ALK: variants seen among roughly 807,000 people sequenced by gnomAD.
ALK encodes ALK tyrosine kinase receptor.
In ALK, 74 loss-of-function variants were observed where a neutral mutation model predicts 163.1. The ratio of observed to expected loss-of-function variants is 0.45; its 90% CI spans 0.38 to 0.55. The LOEUF (loss-of-function observed/expected upper bound fraction) is 0.55. Ranked by LOEUF, ALK falls within the 20% of genes least tolerant of loss-of-function variation. The probability of loss-of-function intolerance (pLI) is 0.00; values close to 1 mark genes in which losing one functional copy is unlikely to be tolerated. For missense variants in ALK, 2,063 were observed against 2,105.3 expected (o/e 0.98, Z 0.39); for synonymous variants, 960 against 843.2 (o/e 1.14, Z -2.40).
At chr2:29,492,995 G>A (rs1189718542) in intron 4 of ALK, among the ~76,000 whole-genome samples, 1 of 152,160 alleles carries the variant, frequency 6.6e-6, no homozygotes, top group African/African-American at 2.4e-5. Flanking sequence ...TGATAGGCTT[G>A]GCACTTGGCA....
intron 4 of ALK, among the ~76,000 whole-genome samples, chr2:29,385,269 G>A (rs561914475): frequency 1.7e-4 from 26 of 151,840 alleles, no homozygotes; most frequent in Admixed American, 4.6e-4. Context: ...AAAATAAAAA[G>A]CATTGAAAAT....
chr2:29,469,310 G>T (rs1402631156), intron 4 of ALK, among the ~76,000 whole-genome samples: 1 of 152,134 alleles, frequency 6.6e-6, no homozygotes, highest in African/African-American at 2.4e-5. Context: ...GTGCCAAATT[G>T]CCTTCTCAAT....
At chr2:29,685,052 A>C (rs770102601) in intron 3 of ALK, among the ~76,000 whole-genome samples, 11 of 152,206 alleles carry the variant, frequency 7.2e-5, no homozygotes, top group Non-Finnish European at 4.4e-5. Flanking sequence ...TACAACTTAG[A>C]AATACCTATC....
At chr2:29,301,539 C>T (rs1666370198) in intron 8 of ALK, among the ~76,000 whole-genome samples, 1 of 152,172 alleles carries the variant, frequency 6.6e-6, no homozygotes, top group Non-Finnish European at 1.5e-5. Flanking sequence ...ATCAACTTTC[C>T]ATCCTAGGAA....
At chr2:29,896,466 C>T (rs1411538333) in intron 1 of ALK, among the ~76,000 whole-genome samples, 2 of 152,092 alleles carry the variant, frequency 1.3e-5, no homozygotes, top group Non-Finnish European at 2.9e-5. Flanking sequence ...GGGCTCTAAT[C>T]TAACAGGATT....
chr2:29,353,683 A>G (rs921932177), intron 5 of ALK, among the ~76,000 whole-genome samples: 19 of 152,102 alleles, frequency 1.2e-4, no homozygotes, highest in African/African-American at 4.6e-4. Flanking sequence ...TTGAGGTTTC[A>G]ATATTTTCTA....
chr2:29,834,806 C>G (rs1292805789), intron 1 of ALK, among the ~76,000 whole-genome samples: 2 of 152,192 alleles, frequency 1.3e-5, no homozygotes, highest in Non-Finnish European at 2.9e-5. Flanking sequence ...CACACCAAAA[C>G]ACAGAAAGAC....
chr2:29,521,409 A>G (rs1304305772), intron 4 of ALK, among the ~76,000 whole-genome samples: 1 of 152,182 alleles, frequency 6.6e-6, no homozygotes, highest in Non-Finnish European at 1.5e-5. Flanking sequence ...ACACTCATTC[A>G]CTGAGCTTAC....
At chr2:29,488,677 A>T (rs1385340272) in intron 4 of ALK, among the ~76,000 whole-genome samples, 1 of 152,166 alleles carries the variant, frequency 6.6e-6, no homozygotes, top group Non-Finnish European at 1.5e-5. Context: ...TAGTATGGGG[A>T]GAACTTCAAA....
intron 3 of ALK, among the ~76,000 whole-genome samples, chr2:29,642,498 C>A (rs546458405): frequency 6.6e-6 from 1 of 152,278 alleles, no homozygotes; most frequent in South Asian, 2.1e-4. Flanking sequence ...AAAGGAAGCA[C>A]TAAAATCTCC....
chr2:29,425,102 T>G (rs979744034), intron 4 of ALK, among the ~76,000 whole-genome samples: 9 of 152,146 alleles, frequency 5.9e-5, no homozygotes, highest in African/African-American at 2.2e-4. Context: ...TGGTAAAAAT[T>G]ATTTTTTAGA....
intron 3 of ALK, among the ~76,000 whole-genome samples, chr2:29,675,990 T>G (rs1677860974): frequency 1.3e-5 from 2 of 152,076 alleles, no homozygotes; most frequent in South Asian, 2.1e-4. Context: ...CCTCCCAAAG[T>G]GTTGGGATTA....
At chr2:29,686,649 G>A (rs1458202230) in intron 3 of ALK, among the ~76,000 whole-genome samples, 1 of 152,246 alleles carries the variant, frequency 6.6e-6, no homozygotes, top group Non-Finnish European at 1.5e-5. Flanking sequence ...TTCTTTCCTT[G>A]CTCCACATGC....
chr2:29,729,703 G>C (rs971320385), intron 1 of ALK, among the ~76,000 whole-genome samples: 6 of 152,142 alleles, frequency 3.9e-5, no homozygotes, highest in Non-Finnish European at 5.9e-5. Context: ...GCAGTAATTT[G>C]GAGCTGGCAA....
At chr2:29,798,030 C>CACAAGCCTTA in intron 1 of ALK, among the ~76,000 whole-genome samples, 1 of 152,102 alleles carries the variant, frequency 6.6e-6, no homozygotes, top group Non-Finnish European at 1.5e-5. Flanking sequence ...GGCTTGTGAC[C>CACAAGCCTTA]AGGTATCTTA....
At chr2:29,722,881 G>A (rs1007465278) in intron 1 of ALK, among the ~76,000 whole-genome samples, 1 of 151,998 alleles carries the variant, frequency 6.6e-6, no homozygotes, top group Admixed American at 6.6e-5. Context: ...ACCAATACTC[G>A]CCTGGTTGCT....
At chr2:29,658,442 C>T (rs1677253013) in intron 3 of ALK, among the ~76,000 whole-genome samples, 1 of 152,178 alleles carries the variant, frequency 6.6e-6, no homozygotes, top group East Asian at 1.9e-4. Context: ...GGTATCCTTT[C>T]TAGCATTATG....
At chr2:29,879,655 A>G (rs551037411) in intron 1 of ALK, among the ~76,000 whole-genome samples, 1 of 152,316 alleles carries the variant, frequency 6.6e-6, no homozygotes, top group East Asian at 1.9e-4. Context: ...ACAATGGGGT[A>G]CTTATTCTAT....
At chr2:29,327,061 C>T (rs1356031925) in intron 6 of ALK, among the ~76,000 whole-genome samples, 2 of 152,192 alleles carry the variant, frequency 1.3e-5, no homozygotes, top group Non-Finnish European at 2.9e-5. Flanking sequence ...TTTCCAGCTG[C>T]CTGTAGGTAT....
Sources: allele counts gnomAD v4.1 joint callset (sites outside exome capture counted in the v4.1 genomes callset), GRCh38; gene constraint gnomAD v4.1.1; transcripts MANE v1.5; gene names NCBI Gene and HGNC (gene_info 2026-07-23, HGNC 2026-07-21).